F11R: variants seen among roughly 807,000 people sequenced by gnomAD.
F11R encodes the protein F11 receptor.
In F11R, 27 loss-of-function variants were observed where a neutral mutation model predicts 39.3. The ratio of observed to expected loss-of-function variants is 0.69; its 90% confidence interval spans 0.51 to 0.95. The LOEUF (loss-of-function observed/expected upper bound fraction) is 0.95, where lower values mean the gene tolerates loss of function less well. Among genes scored for constraint, F11R ranks in the 40% least tolerant of loss-of-function variants. The probability of loss-of-function intolerance (pLI) is 0.00; values close to 1 mark genes in which losing one functional copy is unlikely to be tolerated. For synonymous variants in F11R, 131 were observed against 144.9 expected (o/e 0.90, Z 0.69); for missense variants, 335 against 372.7 (o/e 0.90, Z 0.83).
chr1:160,998,760 G>T lies in F11R; in HGVS notation c.*111C>A. On this transcript the variant is annotated 3_prime_UTR_variant, in exon 10 of 10. Transcript: ENST00000368026. Reference sequence around the variant, plus strand: ...CATCCGAAGAAGTAGGGGGCCCTGTGGGGTGTAGAAGACAAATAAGGCATC... The same window carrying T: ...CATCCGAAGAAGTAGGGGGCCCTGTTGGGTGTAGAAGACAAATAAGGCATC... 1 of 1,026,070 alleles carries T rather than the reference G, an allele frequency of 9.7e-7. No homozygotes were observed. Among genetic ancestry groups the T allele is most frequent in the Non-Finnish European group, 1.5e-6 (1 of 658,222 alleles). 63.6% of individuals were successfully genotyped at this position (1,026,070 alleles called of 1,614,324 possible).
At chr1:161,008,947 G>T (rs1326373457) in intron 1 of F11R, among the ~76,000 whole-genome samples, 1 of 152,062 alleles carries the variant, frequency 6.6e-6, no homozygotes, top group East Asian at 1.9e-4. Flanking sequence ...CTCCCACCAG[G>T]AAGTGCTGGA....
At chr1:161,018,738 TC>T (rs1369329119) in intron 1 of F11R, among the ~76,000 whole-genome samples, 1 of 151,956 alleles carries the variant, frequency 6.6e-6, no homozygotes, top group Non-Finnish European at 1.5e-5. Flanking sequence ...ACCAAATCAC[TC>T]CCCTCCCCCA....
intron 1 of F11R, among the ~76,000 whole-genome samples, chr1:161,012,265 CT>C (rs1474404376): frequency 2.0e-5 from 3 of 152,192 alleles, no homozygotes; most frequent in African/African-American, 7.2e-5. Context: ...CCTTCTACTA[CT>C]TTGCTAAGAA....
chr1:161,011,514 T>C lies in F11R; in HGVS notation c.64+9496A>G, dbSNP rs372273997. ...CTCAACACTGAGAGGCCGAGACAGG[T>C]GGTCAGGAGTTCAGGACCAGCCTGG... On this transcript the variant is annotated intron_variant, in intron 1 of 9. Coordinates refer to ENST00000368026, the MANE Select transcript of F11R (RefSeq NM_016946.6). Among the ~76,000 whole-genome samples the C allele has an allele frequency of 3.1e-4, 47 of 151,958 alleles. No homozygotes were observed. The East Asian group carries it at 8.1e-3, about 26-fold the overall frequency.
rs777202315 is a variant in F11R, at chr1:161,001,371, GGTGGGCCCTGTCAGGA to G, written c.65-34_65-19del. On this transcript the variant is annotated intron_variant, in intron 1 of 9. Coordinates refer to ENST00000368026, the MANE Select transcript of F11R (RefSeq NM_016946.6). ...CAGGGAGCCTAAGGAGAAAGAAAGA[GGTGGGCCCTGTCAGGA>G]GTGGACAGAGAAATGCCAGGAAGAA... The G allele has an allele frequency of 8.7e-6, 14 of 1,608,624 alleles. No homozygotes were observed. In the East Asian group the frequency reaches 3.1e-4, roughly 36 times the overall value.
chr1:161,001,944 A>G (rs1359780239), intron 1 of F11R, among the ~76,000 whole-genome samples: 1 of 152,174 alleles, frequency 6.6e-6, no homozygotes, highest in Admixed American at 6.5e-5. Context: ...TGAGGAACTG[A>G]GAGTACAAGA....
chr1:161,006,002 G>C (rs1415315659), intron 1 of F11R, among the ~76,000 whole-genome samples: 1 of 152,068 alleles, frequency 6.6e-6, no homozygotes, highest in Non-Finnish European at 1.5e-5. Context: ...GCCGGGCATG[G>C]TGGCGGGCAA....
intron 1 of F11R, among the ~76,000 whole-genome samples, chr1:161,011,695 A>C (rs1287589945): frequency 2.6e-5 from 4 of 151,188 alleles, no homozygotes; most frequent in African/African-American, 7.3e-5. Flanking sequence ...GTGCCACTGC[A>C]CTCCAACCTG....
intron 1 of F11R, among the ~76,000 whole-genome samples, chr1:161,010,272 C>T (rs571971086): frequency 5.9e-5 from 9 of 151,766 alleles, no homozygotes; most frequent in Admixed American, 2.0e-4. Flanking sequence ...GGTGAAACCC[C>T]GTCTCTACTA....
rs767726223 is a variant in F11R at position 161,001,254 on chromosome 1, C to T, written c.133+31G>A. The T allele has an allele frequency of 3.1e-6, 5 of 1,612,420 alleles. No homozygotes were observed. Among genetic ancestry groups the T allele is most frequent in the Non-Finnish European group, 4.2e-6 (5 of 1,179,090 alleles). On this transcript the variant is annotated intron_variant, in intron 2 of 9. Coordinates refer to ENST00000368026, the MANE Select transcript of F11R (RefSeq NM_016946.6). ...CCCAGGCGGCCGGCAACTGCTCACC[C>T]TCACACCCTCCATGGCCCCTCCCAA...
chr1:160,999,595 G>A, intron 7 of F11R, 45 bp downstream of exon 7: 1 of 1,571,408 alleles, frequency 6.4e-7, no homozygotes, highest in East Asian at 2.2e-5. Context: ...CCAGGCCCTG[G>A]GATGGGGGCA....
chr1:161,012,016 C>G (rs1308348493), intron 1 of F11R, among the ~76,000 whole-genome samples: 1 of 152,168 alleles, frequency 6.6e-6, no homozygotes, highest in African/African-American at 2.4e-5. Context: ...ACACGCTGCT[C>G]TGTACTCTAC....
In F11R at chr1:161,001,049, C is replaced by A. The variant is rs1648452692; in HGVS notation, c.212G>T (p.Arg71Ile). The A allele has an allele frequency of 6.2e-7, 1 of 1,614,138 alleles. No homozygotes were observed. The highest frequency in any genetic ancestry group is 2.2e-5 in the East Asian group (1 of 44,890). The part of the protein sequence containing the change: ...EWKFDQGDTT[R>I]LVCYNNKITA... ...GATCTTGTTATTATAGCAAACGAGT[C>A]TGGTGGTGTCTCCTTGGTCAAACTT... Residue 71 changes from arginine to isoleucine, a missense_variant, in exon 3 of 10, where the codon AGA becomes ATA. Transcript: ENST00000368026.
chr1:161,017,174 A>C (rs896955024), intron 1 of F11R, among the ~76,000 whole-genome samples: 3 of 152,170 alleles, frequency 2.0e-5, no homozygotes, highest in African/African-American at 4.8e-5. Context: ...GGTATTGTCC[A>C]AGGTTTCTCC....
At chr1:161,011,008 G>A (rs1571017971) in intron 1 of F11R, among the ~76,000 whole-genome samples, 1 of 139,818 alleles carries the variant, frequency 7.2e-6, no homozygotes. Context: ...TCATGTACAA[G>A]AACAATTTAA....
chr1:161,001,615 T>C (rs1648497562), intron 1 of F11R, among the ~76,000 whole-genome samples: 1 of 152,240 alleles, frequency 6.6e-6, no homozygotes, highest in Non-Finnish European at 1.5e-5. Flanking sequence ...TTTCTCTCTG[T>C]GACTCCCAAT....
At chr1:161,015,754 G>C (rs925187544) in intron 1 of F11R, among the ~76,000 whole-genome samples, 5 of 151,724 alleles carry the variant, frequency 3.3e-5, no homozygotes, top group Admixed American at 6.6e-5. Context: ...CTCTTTTTGT[G>C]TCAGAAAGGG....
intron 7 of F11R, 86 bp from the exon 8 acceptor site, chr1:160,999,494 T>G: frequency 1.3e-6 from 2 of 1,588,810 alleles, no homozygotes; most frequent in Non-Finnish European, 1.7e-6. Flanking sequence ...CCCCCAGCTC[T>G]TGGTGTTAGA....
intron 1 of F11R, among the ~76,000 whole-genome samples, chr1:161,010,973 TA>T (rs747869704): frequency 0.29 from 31,679 of 110,764 alleles, 4,401 homozygotes; most frequent in Non-Finnish European, 0.35. Flanking sequence ...GACTCCATCT[TA>T]AAAAAAAAAA....
Sources: allele counts gnomAD v4.1 joint callset (sites outside exome capture counted in the v4.1 genomes callset), GRCh38; gene constraint gnomAD v4.1.1; transcripts MANE v1.5; gene names NCBI Gene and HGNC (gene_info 2026-07-23, HGNC 2026-07-21).